Variants in SRRM3 observed in about 807,000 individuals in gnomAD.
The protein encoded by SRRM3 is serine/arginine repetitive matrix 3.
SRRM3 carries 27 observed loss-of-function variants against 66.2 expected under a neutral mutation model. The ratio of observed to expected loss-of-function variants is 0.41; its 90% CI spans 0.30 to 0.56. SRRM3 has a LOEUF of 0.56. Ranked by LOEUF, SRRM3 falls within the 20% of genes least tolerant of loss-of-function variation. The pLI is 0.32. For missense variants in SRRM3, 918 were observed against 991.9 expected, an observed-to-expected ratio of 0.93 and a Z score of 1.00; for synonymous variants, 391 against 414.9, an observed-to-expected ratio of 0.94 and a Z score of 0.70.
chr7:76,263,797 T>G (rs1449846942), intron 8 of SRRM3, among the ~76,000 whole-genome samples: 5 of 140,288 alleles, frequency 3.6e-5, no homozygotes, highest in African/African-American at 1.4e-4. Flanking sequence ...TGCTTGAACC[T>G]GCAAGGTGGA....
At chr7:76,241,682 T>G (rs1554605653) in intron 2 of SRRM3, among the ~76,000 whole-genome samples, 1 of 152,012 alleles carries the variant, frequency 6.6e-6, no homozygotes, top group African/African-American at 2.4e-5. Context: ...TTCTGTATTT[T>G]TAGCAGACAC....
chr7:76,283,445 G>A (rs1383479671), intron 14 of SRRM3: 2 of 494,734 alleles, frequency 4.0e-6, no homozygotes, highest in East Asian at 4.8e-5. Flanking sequence ...CAAGAGTCCC[G>A]CCATCCCTCC....
At chr7:76,242,956 C>G (rs1278284941) in intron 2 of SRRM3, among the ~76,000 whole-genome samples, 2 of 152,120 alleles carry the variant, frequency 1.3e-5, no homozygotes, top group African/African-American at 2.4e-5. Context: ...GAGTGGTACC[C>G]CAACCTGAGG....
At chr7:76,281,307 CCT>C in intron 11 of SRRM3, 132 bp from the exon 12 acceptor site, 1 of 584,202 alleles carries the variant, frequency 1.7e-6, no homozygotes, top group Non-Finnish European at 2.4e-6. Flanking sequence ...CTCCCTCTTT[CCT>C]CTTTCTGTCT....
chr7:76,202,350 G>T lies in SRRM3; in HGVS notation c.-40+283G>T, dbSNP rs191359296. On this transcript the variant is annotated intron_variant, in intron 1 of 14. Transcript: ENST00000611745. Reference sequence around the variant, plus strand: ...CCTAGTCCATGAGGGTGCCAGGGAGGCCCCCCAACCGCAGTCCCACTGAGG... The same window carrying T: ...CCTAGTCCATGAGGGTGCCAGGGAGTCCCCCCAACCGCAGTCCCACTGAGG... Among the ~76,000 whole-genome samples the T allele has an allele frequency of 2.5e-4, 38 of 152,320 alleles. 1 individual carries two copies. The highest frequency in any genetic ancestry group is 2.3e-3 in the Admixed American group (35 of 15,310).
At chr7:76,210,969 A>AT (rs1470817435) in intron 1 of SRRM3, among the ~76,000 whole-genome samples, 7 of 151,904 alleles carry the variant, frequency 4.6e-5, no homozygotes, top group East Asian at 3.9e-4. Flanking sequence ...CACCCGGCTA[A>AT]TTTTTTTTGT....
At chr7:76,269,308 CCCTTGGGGCCCTGGGAGATCTGGGACTT>C (rs1330368563) in intron 11 of SRRM3, 1 of 152,136 alleles carries the variant, frequency 6.6e-6, no homozygotes, top group Admixed American at 6.6e-5. Context: ...CTATCCCTCA[CCCTTGGGGCCCTGGGAGATCTGGGACTT>C]CAGAGCATCC....
chr7:76,280,743 C>A (rs1373824567), intron 11 of SRRM3, among the ~76,000 whole-genome samples: 1 of 150,996 alleles, frequency 6.6e-6, no homozygotes, highest in African/African-American at 2.4e-5. Context: ...CCGGTGAAAG[C>A]CCTCTCTCCT....
chr7:76,265,279 TG>T, intron 9 of SRRM3, 84 bp from the exon 10 acceptor site: 1 of 922,804 alleles, frequency 1.1e-6, no homozygotes, highest in Non-Finnish European at 1.6e-6. Flanking sequence ...ACTGGGATCC[TG>T]GTGGGAGGCT....
At chr7:76,260,782 T>C in intron 5 of SRRM3, 92 bp from the exon 6 acceptor site, 1 of 1,255,274 alleles carries the variant, frequency 8.0e-7, no homozygotes, top group Non-Finnish European at 1.1e-6. Context: ...CTGTCCACCC[T>C]CCCCTGTCCT....
chr7:76,245,678 TTTTG>T (rs782049186), intron 2 of SRRM3, among the ~76,000 whole-genome samples: 21 of 152,282 alleles, frequency 1.4e-4, no homozygotes, highest in East Asian at 3.9e-4. Flanking sequence ...CTTGTTGGTT[TTTTG>T]TTTGTTTGTT....
intron 2 of SRRM3, among the ~76,000 whole-genome samples, chr7:76,235,506 C>T (rs192258772): frequency 6.6e-6 from 1 of 152,194 alleles, no homozygotes; most frequent in East Asian, 1.9e-4. Context: ...TGGGGTGAAG[C>T]CATGGCAAGT....
At chr7:76,253,759 C>T (rs1375280816) in intron 3 of SRRM3, among the ~76,000 whole-genome samples, 1 of 146,648 alleles carries the variant, frequency 6.8e-6, no homozygotes, top group African/African-American at 2.6e-5. Flanking sequence ...ATCCCGCCAG[C>T]CTGGGCAACA....
intron 2 of SRRM3, among the ~76,000 whole-genome samples, 182 bp downstream of exon 2, chr7:76,235,481 A>C (rs1221463863): frequency 1.3e-5 from 2 of 152,194 alleles, no homozygotes; most frequent in Non-Finnish European, 2.9e-5. Context: ...ACAAGAAGCC[A>C]GAGTTCAGAC....
At chr7:76,237,276 A>G (rs1801175659) in intron 2 of SRRM3, among the ~76,000 whole-genome samples, 1 of 152,144 alleles carries the variant, frequency 6.6e-6, no homozygotes. Context: ...GCATGGTGGC[A>G]TGCACCTCTA....
chr7:76,261,005 G>A (rs1321013023), intron 6 of SRRM3, 102 bp downstream of exon 6: 5 of 1,276,938 alleles, frequency 3.9e-6, no homozygotes, highest in African/African-American at 1.5e-5. Context: ...GACCCTCAGG[G>A]CCTGCACCTG....
intron 11 of SRRM3, among the ~76,000 whole-genome samples, chr7:76,273,907 C>T (rs1000707756): frequency 6.6e-6 from 1 of 152,200 alleles, no homozygotes. Flanking sequence ...CCCTGACTTC[C>T]ACCCCTAAAT....
chr7:76,252,315 T>C (rs1554606994), intron 3 of SRRM3, among the ~76,000 whole-genome samples: 3 of 152,216 alleles, frequency 2.0e-5, no homozygotes, highest in South Asian at 2.1e-4. Flanking sequence ...GATGAACTTA[T>C]ATAGGTGTTT....
At chr7:76,278,631 CT>C (rs1554611449) in intron 11 of SRRM3, among the ~76,000 whole-genome samples, 2 of 152,228 alleles carry the variant, frequency 1.3e-5, no homozygotes, top group Non-Finnish European at 2.9e-5. Context: ...ATTGTGCCCA[CT>C]TATGCCTGTG....
Sources: allele counts gnomAD v4.1 joint callset (sites outside exome capture counted in the v4.1 genomes callset), GRCh38; gene constraint gnomAD v4.1.1; transcripts MANE v1.5; gene names NCBI Gene and HGNC (gene_info 2026-07-23, HGNC 2026-07-21).